NTM: variants seen among roughly 807,000 people sequenced by gnomAD.
NTM encodes the protein neurotrimin.
NTM carries 13 observed loss-of-function variants against 42.1 expected under a neutral mutation model. That is an observed-to-expected ratio of 0.31 (90% CI 0.20 to 0.49). The LOEUF (loss-of-function observed/expected upper bound fraction) is 0.49, where lower values mean the gene tolerates loss of function less well. Among genes scored for constraint, NTM ranks in the 20% least tolerant of loss-of-function variants. The pLI, the probability that NTM is intolerant of heterozygous loss-of-function variation, is 0.99. For missense variants in NTM, 373 were observed against 452.8 expected (o/e 0.82, Z 1.60); for synonymous variants, 187 against 179.2 (o/e 1.04, Z -0.35).
At chr11:131,903,122 C>T (rs2053394656) in intron 1 of NTM, among the ~76,000 whole-genome samples, 1 of 104,062 alleles carries the variant, frequency 9.6e-6, no homozygotes, top group African/African-American at 4.0e-5. Flanking sequence ...AAATCCCTTA[C>T]TGAAGAGAAG....
chr11:131,849,966 T>TATAATAATAATA (rs10605011), intron 1 of NTM, among the ~76,000 whole-genome samples: 385 of 146,772 alleles, frequency 2.6e-3, no homozygotes, highest in African/African-American at 9.1e-3. Flanking sequence ...AAACTTAAAG[T>TATAATAATAATA]ATAATAATAA....
intron 1 of NTM, among the ~76,000 whole-genome samples, chr11:131,515,088 A>T (rs1338118189): frequency 6.6e-6 from 1 of 151,772 alleles, no homozygotes; most frequent in East Asian, 1.9e-4. Context: ...AGTTTTATAA[A>T]TTTTTTTGTA....
At chr11:132,122,810 T>C (rs915207268) in intron 2 of NTM, among the ~76,000 whole-genome samples, 8 of 152,316 alleles carry the variant, frequency 5.3e-5, no homozygotes, top group African/African-American at 1.9e-4. Flanking sequence ...GTTTGCCCTG[T>C]TCAGAATTTT....
intron 3 of NTM, among the ~76,000 whole-genome samples, chr11:132,196,323 A>G (rs1037499986): frequency 2.6e-5 from 4 of 152,192 alleles, no homozygotes; most frequent in Non-Finnish European, 4.4e-5. Context: ...TGTAGAGAAA[A>G]GGGAACAGGT....
intron 1 of NTM, among the ~76,000 whole-genome samples, chr11:131,906,560 ACT>A (rs1245822904): frequency 1.3e-5 from 2 of 151,804 alleles, no homozygotes; most frequent in South Asian, 2.1e-4. Flanking sequence ...AAAAGGAAAG[ACT>A]CTGCCCCAAA....
chr11:131,402,823 G>C (rs1421135870), intron 1 of NTM, among the ~76,000 whole-genome samples: 3 of 152,168 alleles, frequency 2.0e-5, no homozygotes. Flanking sequence ...CCCTAGAGAT[G>C]CTCCATAGGA....
chr11:131,860,071 C>T (rs1329389414), intron 1 of NTM, among the ~76,000 whole-genome samples: 3 of 152,080 alleles, frequency 2.0e-5, no homozygotes, highest in East Asian at 1.9e-4. Flanking sequence ...GGGGATGATG[C>T]GTCTATATCG....
chr11:132,021,899 G>T (rs144313650), intron 2 of NTM, among the ~76,000 whole-genome samples: 134 of 152,286 alleles, frequency 8.8e-4, no homozygotes, highest in African/African-American at 3.1e-3. Flanking sequence ...TCCAGCTTCA[G>T]TGTCAACTAA....
chr11:131,442,894 G>T (rs1949740201), intron 1 of NTM, among the ~76,000 whole-genome samples: 1 of 151,920 alleles, frequency 6.6e-6, no homozygotes, highest in Non-Finnish European at 1.5e-5. Flanking sequence ...TGGACACTTA[G>T]GTTGATTCTG....
intron 2 of NTM, among the ~76,000 whole-genome samples, chr11:132,081,938 A>G (rs1293044057): frequency 1.5e-5 from 2 of 130,854 alleles, no homozygotes; most frequent in Admixed American, 7.7e-5. Flanking sequence ...ACATATTCAT[A>G]TATATATATT....
intron 4 of NTM, among the ~76,000 whole-genome samples, chr11:132,224,576 C>T (rs2085821303): frequency 6.6e-6 from 1 of 152,212 alleles, no homozygotes; most frequent in Admixed American, 6.5e-5. Flanking sequence ...TCAGCTTCAA[C>T]CTGTGTCTGT....
chr11:132,175,110 C>T (rs781195857), intron 3 of NTM, among the ~76,000 whole-genome samples: 13 of 152,058 alleles, frequency 8.5e-5, no homozygotes, highest in Non-Finnish European at 1.8e-4. Flanking sequence ...TAAAAGTGCC[C>T]AGCGCTCATA....
At chr11:131,739,953 C>G (rs573679311) in intron 1 of NTM, among the ~76,000 whole-genome samples, 2 of 152,160 alleles carry the variant, frequency 1.3e-5, no homozygotes, top group African/African-American at 4.8e-5. Context: ...TCTCTTACAC[C>G]CAGGAGTGTG....
intron 1 of NTM, among the ~76,000 whole-genome samples, chr11:131,588,010 T>C (rs2059025814): frequency 6.6e-6 from 1 of 152,248 alleles, no homozygotes; most frequent in Admixed American, 6.5e-5. Flanking sequence ...GAATGCTTGC[T>C]ATGTGCCAGG....
At chr11:131,918,339 T>G (rs1051341656) in intron 2 of NTM, among the ~76,000 whole-genome samples, 2 of 152,224 alleles carry the variant, frequency 1.3e-5, no homozygotes, top group African/African-American at 4.8e-5. Context: ...CTCTCCTGAC[T>G]GCTGGTTTAG....
intron 1 of NTM, among the ~76,000 whole-genome samples, chr11:131,446,408 CT>C (rs1411133146): frequency 6.6e-6 from 1 of 152,148 alleles, no homozygotes; most frequent in Non-Finnish European, 1.5e-5. Flanking sequence ...CTTTTCTTTC[CT>C]TTTAGAATTT....
intron 1 of NTM, among the ~76,000 whole-genome samples, chr11:131,489,266 T>G (rs1397206271): frequency 3.3e-5 from 5 of 152,238 alleles, no homozygotes; most frequent in Admixed American, 3.3e-4. Flanking sequence ...TGAATAACTT[T>G]CTCAGCTTGC....
intron 1 of NTM, among the ~76,000 whole-genome samples, chr11:131,808,342 A>G (rs893166073): frequency 1.3e-5 from 2 of 152,178 alleles, no homozygotes; most frequent in African/African-American, 4.8e-5. Context: ...TATTTGTTCA[A>G]TCATTTGTTC....
At chr11:132,178,936 G>A (rs999827088) in intron 3 of NTM, among the ~76,000 whole-genome samples, 2 of 152,110 alleles carry the variant, frequency 1.3e-5, no homozygotes, top group African/African-American at 2.4e-5. Context: ...AAACTTGGGC[G>A]TTTCAGTTAT....
Sources: gnomAD v4.1 joint callset for allele counts (sites outside exome capture counted in the v4.1 genomes callset) on GRCh38, gnomAD v4.1.1 for gene constraint, MANE v1.5 for transcripts, NCBI Gene and HGNC (gene_info 2026-07-23, HGNC 2026-07-21) for gene names.